The following TTF1 variants were observed in gnomAD, a reference collection of about 807,000 sequenced individuals.
TTF1 encodes transcription termination factor 1, also known as transcription termination factor, RNA polymerase I.
Under a neutral mutation model 80.2 loss-of-function variants are expected in TTF1, and 64 were observed. The ratio of observed to expected loss-of-function variants is 0.80; its 90% CI spans 0.65 to 0.98. TTF1 has a LOEUF of 0.98. Ranked by LOEUF, TTF1 falls within the 50% of genes least tolerant of loss-of-function variation. The pLI, the probability that TTF1 is intolerant of heterozygous loss-of-function variation, is 0.00. For synonymous variants in TTF1, 372 were observed against 382.7 expected, an observed-to-expected ratio of 0.97 and a Z score of 0.33; for missense variants, 1,023 against 1,086.2, an observed-to-expected ratio of 0.94 and a Z score of 0.82.
chr9:132,379,911 CAATT>C (rs1849337433), intron 9 of TTF1, among the ~76,000 whole-genome samples: 1 of 152,126 alleles, frequency 6.6e-6, no homozygotes, highest in Non-Finnish European at 1.5e-5. Flanking sequence ...CATTAAAAAA[CAATT>C]AACTAATCCA....
In TTF1 at chr9:132,379,044, A is replaced by G. The variant is rs2131620829; in HGVS notation, c.2464+15T>C. 1 of 1,581,760 alleles carries G rather than the reference A, an allele frequency of 6.3e-7. No homozygotes were observed. The highest frequency in any genetic ancestry group is 1.7e-4 in the Middle Eastern group (1 of 5,958). Reference sequence around the variant, plus strand: ...ATGCCATGTTCTTAGCCATATAAATATTAAGAATACTAACCTGGAAAAGTC... The same window carrying G: ...ATGCCATGTTCTTAGCCATATAAATGTTAAGAATACTAACCTGGAAAAGTC... On this transcript the variant is annotated intron_variant, in intron 10 of 10. Transcript: ENST00000334270.
At chr9:132,383,681 A>T (rs752497063) in intron 9 of TTF1, among the ~76,000 whole-genome samples, 1 of 152,048 alleles carries the variant, frequency 6.6e-6, no homozygotes, top group Non-Finnish European at 1.5e-5. Flanking sequence ...GGTGGGCTGG[A>T]GGGAGGGCTG....
chr9:132,382,879 A>C, intron 9 of TTF1, among the ~76,000 whole-genome samples: 1 of 152,082 alleles, frequency 6.6e-6, no homozygotes. Context: ...CAGCCTGGCC[A>C]ACATGGTGAA....
intron 8 of TTF1, among the ~76,000 whole-genome samples, chr9:132,387,924 A>G (rs1464281902): frequency 6.6e-6 from 1 of 152,258 alleles, no homozygotes; most frequent in Non-Finnish European, 1.5e-5. Flanking sequence ...TGAAAGCACT[A>G]AGAGCTAGGT....
intron 4 of TTF1, among the ~76,000 whole-genome samples, 156 bp downstream of exon 4, chr9:132,397,985 C>CAA (rs749084307): frequency 7.7e-5 from 10 of 129,884 alleles, no homozygotes; most frequent in East Asian, 4.4e-4. Flanking sequence ...GACTCCGTCT[C>CAA]AAAAAAAAAA....
chr9:132,386,263 C>T (rs931482369), intron 9 of TTF1, among the ~76,000 whole-genome samples: 4 of 151,786 alleles, frequency 2.6e-5, no homozygotes, highest in Non-Finnish European at 5.9e-5. Flanking sequence ...CTATGTGACA[C>T]TAAAAAAAGG....
At position 132,393,401 on chromosome 9, in the gene TTF1, G is replaced by A. The variant is rs146847120; in HGVS notation, c.1857-1195C>T. 2.2e-4 allele frequency among the ~76,000 whole-genome samples: 34 copies of A among 152,324 alleles called. No homozygotes were observed. In the East Asian group the frequency reaches 3.1e-3, roughly 14 times the overall value. On this transcript the variant is annotated intron_variant, in intron 5 of 10. Transcript: ENST00000334270. Reference sequence around the variant, plus strand: ...AAGGAACACCGGGCCCACCCAGGGCGGAAAACCGCTTAAAGGCATTCTTAA... The same window carrying A: ...AAGGAACACCGGGCCCACCCAGGGCAGAAAACCGCTTAAAGGCATTCTTAA...
intron 8 of TTF1, among the ~76,000 whole-genome samples, chr9:132,387,563 C>G (rs930755751): frequency 9.2e-5 from 14 of 152,182 alleles, no homozygotes; most frequent in Non-Finnish European, 1.8e-4. Context: ...TGAAGGCGGA[C>G]AGCAAGGCCA....
intron 3 of TTF1, among the ~76,000 whole-genome samples, 195 bp from the exon 4 acceptor site, chr9:132,398,521 T>G (rs1451875554): frequency 1.3e-5 from 2 of 152,262 alleles, no homozygotes; most frequent in African/African-American, 4.8e-5. Flanking sequence ...CTTCTGTCAA[T>G]GTCTTCCCGG....
At chr9:132,398,404 C>T (rs1849697043) in intron 3 of TTF1, 78 bp from the exon 4 acceptor site, 2 of 1,429,334 alleles carry the variant, frequency 1.4e-6, no homozygotes, top group Non-Finnish European at 1.9e-6. Context: ...GGTTTTTCAT[C>T]AGCAATGACA....
At chr9:132,377,738 GGTGTGAGTGCATGTGGTGC>G (rs1849243669) in intron 10 of TTF1, among the ~76,000 whole-genome samples, 1 of 117,500 alleles carries the variant, frequency 8.5e-6, no homozygotes, top group Non-Finnish European at 1.7e-5. Context: ...GAGTGCATGT[GGTGTGAGTGCATGTGGTGC>G]GTGTGAATGC....
intron 9 of TTF1, among the ~76,000 whole-genome samples, chr9:132,379,546 C>A (rs555041329): frequency 2.4e-4 from 37 of 152,164 alleles, no homozygotes; most frequent in Non-Finnish European, 4.3e-4. Flanking sequence ...GAGGGAGTTA[C>A]CACTCTCTCC....
At chr9:132,382,497 C>T (rs1025400128) in intron 9 of TTF1, among the ~76,000 whole-genome samples, 1 of 152,142 alleles carries the variant, frequency 6.6e-6, no homozygotes, top group Non-Finnish European at 1.5e-5. Flanking sequence ...TACTCCTGCC[C>T]GAAGGACACA....
Position 132,375,675 on chromosome 9 carries a change from T to C in TTF1, c.*240A>G, listed in dbSNP as rs1849158349. 5.1e-6 allele frequency: 2 copies of C among 391,338 alleles called. No individual in the cohort carries two copies. The highest frequency in any genetic ancestry group is 8.3e-5 in the Admixed American group (2 of 24,222). 24.2% of individuals were successfully genotyped at this position (391,338 alleles called of 1,614,324 possible). A position where few individuals can be genotyped will look rare whatever the true frequency, so the allele number is the denominator to read the frequency against. On this transcript the variant is annotated 3_prime_UTR_variant, in exon 11 of 11. Coordinates refer to ENST00000334270, the MANE Select transcript of TTF1 (RefSeq NM_007344.4). ...TACTGAAAACAGATTTACTGACATA[T>C]GTATATAAATATAATCAAACTGAGA...
chr9:132,377,818 T>C (rs1243622474), intron 10 of TTF1, among the ~76,000 whole-genome samples: 1 of 135,376 alleles, frequency 7.4e-6, no homozygotes, highest in African/African-American at 2.9e-5. Context: ...TGTGAGTGCA[T>C]GTGGTGTGTG....
chr9:132,392,912 C>A (rs1401945441), intron 5 of TTF1, among the ~76,000 whole-genome samples: 1 of 152,126 alleles, frequency 6.6e-6, no homozygotes, highest in Non-Finnish European at 1.5e-5. Context: ...TCATCAGTAT[C>A]AAAAAATATC....
chr9:132,388,541 A>T (rs2131632215), intron 7 of TTF1, among the ~76,000 whole-genome samples: 1 of 152,176 alleles, frequency 6.6e-6, no homozygotes, highest in Admixed American at 6.5e-5. Flanking sequence ...GGGTTTCACC[A>T]TGTTGGCCAG....
chr9:132,397,339 G>A (rs747242854), intron 4 of TTF1, among the ~76,000 whole-genome samples: 3 of 152,144 alleles, frequency 2.0e-5, no homozygotes, highest in African/African-American at 4.8e-5. Context: ...GCTTTTCTTC[G>A]TGGATTCCAC....
At chr9:132,398,068 C>G (rs143395973) in intron 4 of TTF1, 73 bp downstream of exon 4, 1 of 1,354,874 alleles carries the variant, frequency 7.4e-7, no homozygotes, top group East Asian at 2.5e-5. Flanking sequence ...ACCGTGCTAA[C>G]ACTTACCATG....
Sources: gnomAD v4.1 joint callset for allele counts (sites outside exome capture counted in the v4.1 genomes callset) on GRCh38, gnomAD v4.1.1 for gene constraint, MANE v1.5 for transcripts, NCBI Gene and HGNC (gene_info 2026-07-23, HGNC 2026-07-21) for gene names.